Variants in NELL1 observed in about 807,000 individuals in gnomAD.
NELL1 encodes the protein neural EGFL like 1.
Under a neutral mutation model 107.4 loss-of-function variants are expected in NELL1, and 76 were observed. The ratio of observed to expected loss-of-function variants is 0.71; its 90% CI spans 0.59 to 0.86. The LOEUF is 0.86. Ranked by LOEUF, NELL1 falls within the 40% of genes least tolerant of loss-of-function variation. NELL1 has a pLI of 0.00. For synonymous variants in NELL1, 353 were observed against 341.2 expected, an observed-to-expected ratio of 1.03 and a Z score of -0.38; for missense variants, 1,024 against 1,005.5, an observed-to-expected ratio of 1.02 and a Z score of -0.25.
chr11:20,796,895 G>A (rs1380254296), intron 3 of NELL1, among the ~76,000 whole-genome samples: 2 of 152,166 alleles, frequency 1.3e-5, no homozygotes, highest in Non-Finnish European at 2.9e-5. Flanking sequence ...ATGTTAAATA[G>A]AAGGATAAGC....
chr11:21,299,534 TGTGTGTG>T (rs1849448860), intron 14 of NELL1, among the ~76,000 whole-genome samples: 1 of 145,676 alleles, frequency 6.9e-6, no homozygotes, highest in South Asian at 2.1e-4. Context: ...TGTGTGTGTG[TGTGTGTG>T]TGTGTGTGTG....
At chr11:21,390,495 C>T (rs1851847349) in intron 15 of NELL1, among the ~76,000 whole-genome samples, 3 of 149,562 alleles carry the variant, frequency 2.0e-5, no homozygotes, top group Admixed American at 1.3e-4. Flanking sequence ...CGCTCATCCA[C>T]AGTGTGTGTG....
chr11:20,696,230 T>C (rs559755832), intron 2 of NELL1, among the ~76,000 whole-genome samples: 10 of 152,214 alleles, frequency 6.6e-5, no homozygotes, highest in African/African-American at 2.4e-4. Context: ...TACCCAACTT[T>C]TGGTTTCATT....
chr11:21,124,938 G>A (rs1050619458), intron 13 of NELL1, among the ~76,000 whole-genome samples: 2 of 152,060 alleles, frequency 1.3e-5, no homozygotes, highest in South Asian at 2.1e-4. Flanking sequence ...CATGATGAAA[G>A]GGGTGAGAAA....
intron 12 of NELL1, among the ~76,000 whole-genome samples, chr11:21,084,190 A>G (rs1192245688): frequency 1.3e-5 from 2 of 152,184 alleles, no homozygotes; most frequent in Non-Finnish European, 2.9e-5. Context: ...GATAATAGTG[A>G]TGCTATGTCC....
chr11:21,303,958 T>C (rs1338755923), intron 14 of NELL1, among the ~76,000 whole-genome samples: 1 of 151,914 alleles, frequency 6.6e-6, no homozygotes, highest in Non-Finnish European at 1.5e-5. Flanking sequence ...AAGAGTCCTC[T>C]CTTTAACCTT....
At chr11:21,257,220 C>T (rs1402803054) in intron 14 of NELL1, among the ~76,000 whole-genome samples, 1 of 151,864 alleles carries the variant, frequency 6.6e-6, no homozygotes, top group African/African-American at 2.4e-5. Context: ...CCCTGGGATA[C>T]AATTTATGTG....
intron 9 of NELL1, among the ~76,000 whole-genome samples, chr11:20,931,804 T>G (rs1477315984): frequency 6.6e-6 from 1 of 152,158 alleles, no homozygotes; most frequent in African/African-American, 2.4e-5. Flanking sequence ...ATTTTTTTTG[T>G]GGAGCTGCCT....
chr11:21,082,765 C>T (rs1854299865), intron 12 of NELL1, among the ~76,000 whole-genome samples: 1 of 152,202 alleles, frequency 6.6e-6, no homozygotes, highest in Non-Finnish European at 1.5e-5. Flanking sequence ...TATATTCTCA[C>T]TCTGTGTCTT....
chr11:21,159,128 CTT>C (rs1293308140), intron 13 of NELL1, among the ~76,000 whole-genome samples: 2 of 152,086 alleles, frequency 1.3e-5, no homozygotes, highest in African/African-American at 4.8e-5. Flanking sequence ...ATATCGATAA[CTT>C]ATCAATTATT....
At chr11:20,728,221 C>T (rs983711389) in intron 2 of NELL1, among the ~76,000 whole-genome samples, 1 of 152,008 alleles carries the variant, frequency 6.6e-6, no homozygotes, top group South Asian at 2.1e-4. Context: ...TTGTTGGATG[C>T]ATAGGTTGTG....
At chr11:21,073,921 A>AAAC (rs1338440307) in intron 12 of NELL1, among the ~76,000 whole-genome samples, 1 of 152,158 alleles carries the variant, frequency 6.6e-6, no homozygotes, top group Non-Finnish European at 1.5e-5. Flanking sequence ...TCTTTTAGGC[A>AAAC]AACAACAACA....
At chr11:20,829,233 T>TTTTC (rs1272449662) in intron 3 of NELL1, among the ~76,000 whole-genome samples, 7 of 149,978 alleles carry the variant, frequency 4.7e-5, no homozygotes, top group African/African-American at 1.7e-4. Flanking sequence ...ATTTTTTTTT[T>TTTTC]TTTTTTTTTT....
At chr11:20,796,478 A>G (rs1163000300) in intron 3 of NELL1, among the ~76,000 whole-genome samples, 1 of 152,192 alleles carries the variant, frequency 6.6e-6, no homozygotes, top group East Asian at 1.9e-4. Context: ...ATATTATTAT[A>G]AAGTAGATAT....
At chr11:20,906,707 A>G (rs1850006447) in intron 5 of NELL1, among the ~76,000 whole-genome samples, 1 of 152,070 alleles carries the variant, frequency 6.6e-6, no homozygotes, top group Admixed American at 6.6e-5. Context: ...AAGCAATATT[A>G]TATGCCACAT....
At chr11:20,748,797 C>G (rs539283160) in intron 2 of NELL1, among the ~76,000 whole-genome samples, 1 of 151,888 alleles carries the variant, frequency 6.6e-6, no homozygotes, top group East Asian at 1.9e-4. Context: ...ATATAATTTT[C>G]TTTATCCACT....
intron 12 of NELL1, among the ~76,000 whole-genome samples, chr11:21,002,173 A>G (rs998305068): frequency 7.9e-5 from 12 of 152,302 alleles, no homozygotes; most frequent in African/African-American, 2.9e-4. Flanking sequence ...CTGCCTCTCC[A>G]TATATTTCAC....
intron 2 of NELL1, among the ~76,000 whole-genome samples, chr11:20,710,768 G>A (rs1381372896): frequency 6.6e-6 from 1 of 151,658 alleles, no homozygotes; most frequent in Non-Finnish European, 1.5e-5. Context: ...ATCTAGGAGG[G>A]TTGGATTTTA....
intron 5 of NELL1, among the ~76,000 whole-genome samples, chr11:20,889,303 T>G (rs1380913247): frequency 6.6e-6 from 1 of 152,178 alleles, no homozygotes; most frequent in Non-Finnish European, 1.5e-5. Context: ...TTTTAAACAG[T>G]AAAAGCAGAA....
Sources: allele counts gnomAD v4.1 joint callset (sites outside exome capture counted in the v4.1 genomes callset), GRCh38; gene constraint gnomAD v4.1.1; transcripts MANE v1.5; gene names NCBI Gene and HGNC (gene_info 2026-07-23, HGNC 2026-07-21).